The following TRPM2 variants were observed in gnomAD, a reference collection of about 807,000 sequenced individuals.
TRPM2 encodes the protein transient receptor potential cation channel subfamily M member 2, also known as estrogen-responsive element-associated gene 1 protein.
Under a neutral mutation model 174.0 loss-of-function variants are expected in TRPM2, and 161 were observed. That is an observed-to-expected ratio of 0.93 (90% CI 0.81 to 1.05). The LOEUF (loss-of-function observed/expected upper bound fraction) is 1.05. Ranked by LOEUF, TRPM2 falls within the 50% of genes least tolerant of loss-of-function variation. The probability of loss-of-function intolerance (pLI) is 0.00; values close to 1 mark genes in which losing one functional copy is unlikely to be tolerated. For missense variants in TRPM2, 2,057 were observed against 2,038.0 expected (o/e 1.01, Z -0.18); for synonymous variants, 954 against 861.3 (o/e 1.11, Z -1.88).
intron 22 of TRPM2, chr21:44,422,255 G>T: frequency 6.5e-7 from 1 of 1,535,218 alleles, no homozygotes; most frequent in Non-Finnish European, 8.7e-7. Flanking sequence ...GTTCACCAAA[G>T]CTCCTCGCCC....
chr21:44,395,432 C>A lies in TRPM2; in HGVS notation c.1813C>A (p.Arg605=), dbSNP rs778079379. 3 of 1,612,754 alleles carry A rather than the reference C, an allele frequency of 1.9e-6. No individual in the cohort carries two copies. In the East Asian group the frequency reaches 6.7e-5, roughly 36 times the overall value. The change falls in exon 12 of 32, where the codon CGG becomes AGG. Residue 605 remains arginine, a synonymous_variant. Coordinates refer to ENST00000397928, the MANE Select transcript of TRPM2 (RefSeq NM_003307.4). ...VKLNVQGVSL[R]SLYKRSSGHV... is the part of the protein sequence containing the mutation. Reference sequence around the variant, plus strand: ...TCACCAGGTGCAGGGAGTGAGCCTCCGGTCCCTCTACAAGCGTTCCTCAGG... The same window carrying A: ...TCACCAGGTGCAGGGAGTGAGCCTCAGGTCCCTCTACAAGCGTTCCTCAGG...
chr21:44,399,325 G>A lies in TRPM2; in HGVS notation c.2092G>A (p.Glu698Lys), dbSNP rs150593294. 58 of 1,612,744 alleles carry A rather than the reference G, an allele frequency of 3.6e-5. No individual in the cohort carries two copies. The highest frequency in any genetic ancestry group is 2.0e-4 in the African/African-American group (15 of 75,040). ...GVFTECYRKD[E>K]ERAQKLLTRV... ...CTTCACCGAGTGCTACCGGAAGGAC[G>A]AAGAGAGAGCCCAGAAACTGCTCAC... Residue 698 changes from glutamate (E) to lysine (K), a missense_variant, in exon 14 of 32, where the codon GAA (glutamate) becomes AAA (lysine). Physicochemically the swap from Glu to Lys is moderately conservative, Grantham distance 56 (BLOSUM62 1). Transcript: ENST00000397928. The surrounding 1 kb of genome is among the most constrained non-coding windows in gnomAD (Gnocchi z 4.6).
chr21:44,426,087 TC>T (rs1601237238), intron 25 of TRPM2, among the ~76,000 whole-genome samples: 1 of 152,118 alleles, frequency 6.6e-6, no homozygotes, highest in South Asian at 2.1e-4. Flanking sequence ...AGGCTTAGGC[TC>T]CTCCCATGAC....
At position 44,437,116 on chromosome 21, in the gene TRPM2, G is replaced by A; in HGVS notation, c.4116G>A (p.Leu1372=). ...GCAGGAAGAGCATAAAGAAGATGCTGGAAGTGCTGGTGGTGAAGCTCCCTC... is the reference window on the plus strand; with the variant it reads ...GCAGGAAGAGCATAAAGAAGATGCTAGAAGTGCTGGTGGTGAAGCTCCCTC... ...AICRKSIKKM[L]EVLVVKLPLS... is the part of the protein sequence containing the mutation. Residue 1372 remains leucine, a synonymous_variant, in exon 29 of 32, where the codon CTG becomes CTA. Coordinates refer to ENST00000397928, the MANE Select transcript of TRPM2 (RefSeq NM_003307.4). 1 of 1,551,338 alleles carries A rather than the reference G, an allele frequency of 6.4e-7. No homozygotes were observed. The highest frequency in any genetic ancestry group is 8.7e-7 in the Non-Finnish European group (1 of 1,146,862).
intron 27 of TRPM2, among the ~76,000 whole-genome samples, chr21:44,434,406 C>T (rs1391094100): frequency 1.1e-4 from 16 of 149,762 alleles, no homozygotes; most frequent in African/African-American, 3.2e-4. Flanking sequence ...GGGATGGTGG[C>T]GGGGACGGTG....
intron 26 of TRPM2, 113 bp from the exon 27 acceptor site, chr21:44,426,897 C>T: frequency 5.2e-6 from 7 of 1,349,062 alleles, no homozygotes; most frequent in Non-Finnish European, 7.2e-6. Context: ...GTTGTGTACA[C>T]CCAGCCTGCA....
chr21:44,425,762 C>A lies in TRPM2; in HGVS notation c.3730C>A (p.His1244Asn). 6.3e-7 allele frequency: 1 copy of A among 1,596,558 alleles called. No individual in the cohort carries two copies. The highest frequency in any genetic ancestry group is 8.5e-7 in the Non-Finnish European group (1 of 1,169,886). The stretch of plus-strand genomic sequence containing the variant: ...CGACAGCTACCACGTGAATGCCCGG[C>A]ACCTCCTCTACCCCAACTGCCCTGT... Reference protein sequence around the residue: ...PGDSYHVNARHLLYPNCPVTR... With the variant: ...PGDSYHVNARNLLYPNCPVTR... The change falls in exon 25 of 32, where the codon CAC becomes AAC. Residue 1244 changes from histidine (H) to asparagine (N), a missense_variant. Coordinates refer to ENST00000397928, the MANE Select transcript of TRPM2 (RefSeq NM_003307.4).
chr21:44,426,509 C>T (rs2050784225), intron 25 of TRPM2, 151 bp from the exon 26 acceptor site: 1 of 813,408 alleles, frequency 1.2e-6, no homozygotes, highest in South Asian at 1.5e-5. Context: ...CTGCCTGGCA[C>T]CCGGATCTGC....
At chr21:44,378,969 C>G in intron 7 of TRPM2, 28 bp from the exon 8 acceptor site, 2 of 1,595,762 alleles carry the variant, frequency 1.3e-6, no homozygotes, top group East Asian at 4.5e-5. Flanking sequence ...GACCCAGTCC[C>G]GGGCTCACAC....
At chr21:44,422,771 T>C (rs1339828347) in intron 22 of TRPM2, among the ~76,000 whole-genome samples, 1 of 147,352 alleles carries the variant, frequency 6.8e-6, no homozygotes, top group Non-Finnish European at 1.5e-5. Flanking sequence ...AGCGCCGCTC[T>C]ACAACCCCAC....
intron 2 of TRPM2, among the ~76,000 whole-genome samples, chr21:44,358,819 G>C (rs9974187): frequency 0.25 from 38,414 of 152,004 alleles, 5,376 homozygotes; most frequent in African/African-American, 0.39. Context: ...TCTTGGTCTC[G>C]CTGACTTCAA....
At position 44,427,090 on chromosome 21, in the gene TRPM2, C is replaced by G; in HGVS notation, c.3953C>G (p.Thr1318Arg). The change falls in exon 27 of 32, where the codon ACA becomes AGA. Residue 1318 changes from threonine to arginine, a missense_variant. Coordinates refer to ENST00000397928, the MANE Select transcript of TRPM2 (RefSeq NM_003307.4). ...CGCCGGAGCTTCCACGGGCCGTACA[C>G]AGTGCAGGCCGGGTTGCCCCTGTGA... ...RDRRSFHGPY[T>R]VQAGLPLNPM... is the part of the protein sequence containing the mutation. 3.7e-6 allele frequency: 6 copies of G among 1,600,458 alleles called. No homozygotes were observed. The highest frequency in any genetic ancestry group is 5.1e-6 in the Non-Finnish European group (6 of 1,174,146).
At chr21:44,414,194 GCGCGT>G in intron 20 of TRPM2, 120 bp downstream of exon 20, 6 of 1,295,446 alleles carry the variant, frequency 4.6e-6, no homozygotes, top group Non-Finnish European at 6.5e-6. Context: ...GTGCACAGAG[GCGCGT>G]CACTCATATC....
chr21:44,440,747 G>C, intron 30 of TRPM2, 42 bp from the exon 31 acceptor site: 1 of 1,574,272 alleles, frequency 6.4e-7, no homozygotes, highest in Non-Finnish European at 8.7e-7. Context: ...GCACCGCTCA[G>C]GTGTCCCTCG....
chr21:44,411,671 C>T (rs553278864), intron 19 of TRPM2, among the ~76,000 whole-genome samples: 12 of 152,256 alleles, frequency 7.9e-5, no homozygotes, highest in Admixed American at 2.6e-4. Flanking sequence ...GATCTTAAGA[C>T]GAGTCCACTG....
chr21:44,375,782 G>A, intron 5 of TRPM2, 51 bp from the exon 6 acceptor site: 1 of 1,563,620 alleles, frequency 6.4e-7, no homozygotes, highest in Non-Finnish European at 8.7e-7. Context: ...GCTCGCGTTA[G>A]AGAGGCAGAG....
chr21:44,387,660 T>C (rs761543631), intron 9 of TRPM2, among the ~76,000 whole-genome samples: 7 of 152,052 alleles, frequency 4.6e-5, no homozygotes, highest in Non-Finnish European at 8.8e-5. Context: ...TGGTAAGGGA[T>C]TGGTATCCAG....
At chr21:44,410,866 GTGAGCGTAGTC>G (rs1569085108) in intron 19 of TRPM2, among the ~76,000 whole-genome samples, 2 of 98,566 alleles carry the variant, frequency 2.0e-5, no homozygotes, top group African/African-American at 3.3e-5. Context: ...CACTGTCTTG[GTGAGCGTAGTC>G]TTGTAGTAAG....
intron 9 of TRPM2, among the ~76,000 whole-genome samples, chr21:44,390,256 T>C (rs1208073156): frequency 6.6e-6 from 1 of 152,226 alleles, no homozygotes; most frequent in Non-Finnish European, 1.5e-5. Context: ...AGATATTTTC[T>C]TCTGTTTTCT....
Sources: gnomAD v4.1 joint callset for allele counts (sites outside exome capture counted in the v4.1 genomes callset) on GRCh38, gnomAD v4.1.1 for gene constraint, Gnocchi (gnomAD v3.1) non-coding constraint, MANE v1.5 for transcripts, NCBI Gene and HGNC (gene_info 2026-07-23, HGNC 2026-07-21) for gene names.